APOL3: variants seen among roughly 807,000 people sequenced by gnomAD.
APOL3 encodes the protein TNF-inducible protein CG12-1.
In APOL3, 14 loss-of-function variants were observed where a neutral mutation model predicts 11.6. The observed-to-expected ratio is 1.21, with a 90% CI of 0.80 to 1.89. APOL3 has a LOEUF of 1.89. Ranked by LOEUF, APOL3 falls within the 40% of genes most tolerant of loss-of-function variation. The pLI, the probability that APOL3 is intolerant of heterozygous loss-of-function variation, is 0.00. For synonymous variants in APOL3, 192 were observed against 190.6 expected, an observed-to-expected ratio of 1.01 and a Z score of -0.06; for missense variants, 483 against 492.1, an observed-to-expected ratio of 0.98 and a Z score of 0.17.
At chr22:36,143,125 C>G (rs1603474495) in intron 2 of APOL3, among the ~76,000 whole-genome samples, 1 of 105,320 alleles carries the variant, frequency 9.5e-6, no homozygotes, top group South Asian at 4.4e-4. Context: ...CTCAGTCTCC[C>G]TCCCCTGTAA....
intron 1 of APOL3, chr22:36,149,900 G>C: frequency 2.2e-6 from 1 of 456,120 alleles, no homozygotes; most frequent in South Asian, 1.5e-5. Context: ...TGTATGTCCT[G>C]GCTGCAAGTG....
At chr22:36,155,174 G>C (rs2012549730) in intron 1 of APOL3, among the ~76,000 whole-genome samples, 1 of 152,158 alleles carries the variant, frequency 6.6e-6, no homozygotes, top group Admixed American at 6.5e-5. Context: ...GCAGCTGTGA[G>C]GTGGCCCTGT....
rs2012003554 is a variant in APOL3 at position 36,152,838 on chromosome 22, C to T, written c.224-7239G>A. 2.0e-5 allele frequency among the ~76,000 whole-genome samples: 3 copies of T among 152,162 alleles called. 1 individual carries two copies. The South Asian group carries it at 6.2e-4, about 32-fold the overall frequency. On this transcript the variant is annotated intron_variant, in intron 1 of 2. Coordinates refer to ENST00000349314, the Ensembl canonical transcript of APOL3. ...CCTAAAGAAAAGCTGGCTAGGCACA[C>T]TGGTTCACATCTGTAATCCCAGCAC...
intron 1 of APOL3, among the ~76,000 whole-genome samples, chr22:36,158,352 G>A (rs1232772133): frequency 1.3e-5 from 2 of 152,160 alleles, no homozygotes; most frequent in Non-Finnish European, 2.9e-5. Flanking sequence ...GTGCCCCCAC[G>A]TCATGGCACA....
At chr22:36,149,881 G>T (rs1231687922) in intron 1 of APOL3, 1 of 456,060 alleles carries the variant, frequency 2.2e-6, no homozygotes, top group South Asian at 1.5e-5. Flanking sequence ...TGTCCCCCTT[G>T]CTTCTGCCTG....
chr22:36,142,056 T>C, exon 3 of APOL3: 1 of 1,601,222 alleles, frequency 6.2e-7, no homozygotes, highest in African/African-American at 1.3e-5. Flanking sequence ...ATCTGCCTCA[T>C]CCCTGTACCA....
chr22:36,162,163 G>C (rs2013738793), upstream of APOL3, among the ~76,000 whole-genome samples: 1 of 152,184 alleles, frequency 6.6e-6, no homozygotes, highest in Non-Finnish European at 1.5e-5. Flanking sequence ...TTAGCAGCTG[G>C]GAGGAGAAAA....
chr22:36,140,918 A>T, exon 3 of APOL3: 1 of 386,456 alleles, frequency 2.6e-6, no homozygotes, highest in Non-Finnish European at 4.6e-6. Context: ...CCTCCCCCCA[A>T]TATATTCGTT....
upstream of APOL3, among the ~76,000 whole-genome samples, chr22:36,164,439 C>G (rs1037636547): frequency 5.3e-5 from 8 of 152,222 alleles, no homozygotes; most frequent in African/African-American, 1.4e-4. Flanking sequence ...TACTATCTGA[C>G]TAAGCACTCC....
chr22:36,141,704 G>A (rs1569528649), exon 3 of APOL3: 1 of 1,614,094 alleles, frequency 6.2e-7, no homozygotes. Flanking sequence ...TGCTGGTGGT[G>A]ATCCCAGTCA....
chr22:36,145,735 A>G (rs2060175136), intron 1 of APOL3, 136 bp from the exon 3 acceptor site: 3 of 1,062,924 alleles, frequency 2.8e-6, no homozygotes, highest in Non-Finnish European at 4.0e-6. Flanking sequence ...CATCAGTGCT[A>G]TAGACTGAGT....
chr22:36,142,169 G>A, intron 2 of APOL3, 111 bp from the exon 4 acceptor site: 1 of 1,219,074 alleles, frequency 8.2e-7, no homozygotes, highest in Non-Finnish European at 1.1e-6. Flanking sequence ...GAGTCAAATG[G>A]AAATAAAGCT....
At chr22:36,148,677 C>A (rs535465052) in intron 1 of APOL3, among the ~76,000 whole-genome samples, 26 of 152,282 alleles carry the variant, frequency 1.7e-4, no homozygotes, top group African/African-American at 6.3e-4. Context: ...GGTCAGAGGT[C>A]GGGACTGCTG....
chr22:36,145,696 G>A, intron 1 of APOL3, 97 bp from the exon 3 acceptor site: 3 of 1,467,000 alleles, frequency 2.0e-6, no homozygotes, highest in East Asian at 2.3e-5. Context: ...TCCTCAACCA[G>A]CTGTCACATG....
chr22:36,165,581 T>C (rs952948206), upstream of APOL3: 1 of 152,242 alleles, frequency 6.6e-6, no homozygotes, highest in Non-Finnish European at 1.5e-5. Context: ...CTTATAGCTT[T>C]CAAACGATGC....
In APOL3 at chr22:36,144,908, G is replaced by A. The variant is rs558639305; in HGVS notation, c.350+565C>T. On this transcript the variant is annotated intron_variant, in intron 2 of 2. Coordinates refer to ENST00000349314, the Ensembl canonical transcript of APOL3. ...AGCCTGTAGTCCCAGCTACTTGGGA[G>A]GCTGGGGCAGGAGAATGGCGTGAAA... Among the ~76,000 whole-genome samples the A allele has an allele frequency of 3.3e-5, 5 of 151,688 alleles. No individual in the cohort carries two copies. In the East Asian group the frequency reaches 9.7e-4, roughly 29 times the overall value.
At chr22:36,156,870 C>T (rs2012964415) in intron 1 of APOL3, 1 of 447,948 alleles carries the variant, frequency 2.2e-6, no homozygotes, top group African/African-American at 2.0e-5. Context: ...CTCCGTGGCA[C>T]AGCCTGGCTG....
chr22:36,149,037 C>A lies in APOL3; in HGVS notation c.224-3438G>T. The A allele has an allele frequency of 1.5e-6, 2 of 1,368,490 alleles. No homozygotes were observed. The highest frequency in any genetic ancestry group is 2.0e-6 in the Non-Finnish European group (2 of 1,021,982). 84.8% of individuals were successfully genotyped at this position (1,368,490 alleles called of 1,614,324 possible). A position where few individuals can be genotyped will look rare whatever the true frequency, so the allele number is the denominator to read the frequency against. ...GAACCAGCCAGGGAAGAGGAAGAAG[C>A]AAGCCTACCTGAGTCCATGGTGCCA... On this transcript the variant is annotated intron_variant, in intron 1 of 2. Coordinates refer to ENST00000349314, the Ensembl canonical transcript of APOL3.
intron 1 of APOL3, among the ~76,000 whole-genome samples, chr22:36,148,227 T>C (rs1013248536): frequency 6.6e-6 from 1 of 152,220 alleles, no homozygotes; most frequent in Non-Finnish European, 1.5e-5. Flanking sequence ...TTTGAGATCA[T>C]GGGAATGAGG....
Sources: allele counts gnomAD v4.1 joint callset (sites outside exome capture counted in the v4.1 genomes callset), GRCh38; gene constraint gnomAD v4.1.1; transcripts MANE v1.5; gene names NCBI Gene and HGNC (gene_info 2026-07-23, HGNC 2026-07-21).